RTKN: variants seen among roughly 807,000 people sequenced by gnomAD.
RTKN encodes rhotekin.
RTKN carries 49 observed loss-of-function variants against 63.5 expected under a neutral mutation model. The observed-to-expected ratio is 0.77, with a 90% CI of 0.61 to 0.98. The LOEUF (loss-of-function observed/expected upper bound fraction) is 0.98. Ranked by LOEUF, RTKN falls within the 50% of genes least tolerant of loss-of-function variation. RTKN has a pLI of 0.00. For synonymous variants in RTKN, 295 were observed against 290.4 expected (o/e 1.02, Z -0.16); for missense variants, 685 against 740.8 (o/e 0.92, Z 0.87).
rs546563080 is a variant in RTKN at position 74,441,650 on chromosome 2, G to A, written c.111+56C>T. ...CGGGCGAGGGAAGGAGGCCGAGGTG[G>A]CTGGGGCTGCCCCCGGGAGCCGCGG... On this transcript the variant is annotated intron_variant, in intron 1 of 11. Coordinates refer to ENST00000272430, the MANE Select transcript of RTKN (RefSeq NM_001015055.2). 1,550 of 1,316,008 alleles carry A rather than the reference G, an allele frequency of 1.2e-3. 2 individuals are homozygous for A. The highest frequency in any genetic ancestry group is 5.8e-3 in the Middle Eastern group (25 of 4,328). The allele number at this position is 1,316,008 out of a possible 1,614,324, so 81.5% of individuals were successfully genotyped here.
rs142439981 is a variant in RTKN, at chr2:74,441,796, C to T, written c.21G>A (p.Arg7=). Residue 7 remains arginine, a synonymous_variant, in exon 1 of 12, where the codon CGG becomes CGA. Coordinates refer to ENST00000272430, the MANE Select transcript of RTKN (RefSeq NM_001015055.2). Reference sequence around the variant, plus strand: ...AGCCCCTGGCCACGGTGACCCGGCTCCGGTGGTTTCGGGAGAACATGCTGG... The same window carrying T: ...AGCCCCTGGCCACGGTGACCCGGCTTCGGTGGTTTCGGGAGAACATGCTGG... MFSRNH[R]SRVTVARGSA... is the part of the protein sequence containing the mutation. 2.6e-4 allele frequency: 413 copies of T among 1,610,924 alleles called. 1 individual carries two copies. The highest frequency in any genetic ancestry group is 3.3e-4 in the Non-Finnish European group (391 of 1,179,354).
At position 74,440,047 on chromosome 2, in the gene RTKN, GGTGGACAGGGAATCTGT is replaced by G. The variant is rs912570043; in HGVS notation, c.111+1642_111+1658del. The G allele has an allele frequency of 4.1e-6, 4 of 970,590 alleles. No individual in the cohort carries two copies. The African/African-American group carries it at 6.8e-5, about 16-fold the overall frequency. The allele number at this position is 970,590 out of a possible 1,614,324, so 60.1% of individuals were successfully genotyped here. On this transcript the variant is annotated intron_variant, in intron 1 of 11. Coordinates refer to ENST00000272430, the MANE Select transcript of RTKN (RefSeq NM_001015055.2). ...CAGCCCCCGCCCACATCCCTGGCCT[GGTGGACAGGGAATCTGT>G]GTGCGGAGAGGGCAGTGAGGGGCAG...
rs374249940 is a variant in RTKN at position 74,432,357 on chromosome 2, A to C, written c.311+110T>G. The C allele has an allele frequency of 1.2e-5, 13 of 1,059,692 alleles. No homozygotes were observed. In the African/African-American group the frequency reaches 1.9e-4, roughly 15 times the overall value. The allele number at this position is 1,059,692 out of a possible 1,614,324, so 65.6% of individuals were successfully genotyped here. On this transcript the variant is annotated intron_variant, in intron 2 of 11. Coordinates refer to ENST00000272430, the MANE Select transcript of RTKN (RefSeq NM_001015055.2). ...TCTCCCAGGTCCCTGATAAGACTTC[A>C]TGGGGAAGTCATCTTTAAGGTGGTC...
chr2:74,428,507 C>T, intron 8 of RTKN, 111 bp from the exon 9 acceptor site: 1 of 1,579,726 alleles, frequency 6.3e-7, no homozygotes, highest in Non-Finnish European at 8.7e-7. Context: ...CATTCCTCCC[C>T]TCGTCTGGCC....
chr2:74,439,997 T>C, intron 1 of RTKN: 1 of 1,072,874 alleles, frequency 9.3e-7, no homozygotes, highest in Non-Finnish European at 1.1e-6. Context: ...AAAAAGGCCC[T>C]TTCATTCCGA....
At chr2:74,428,174 A>C in intron 9 of RTKN, 94 bp downstream of exon 9, 2 of 1,550,528 alleles carry the variant, frequency 1.3e-6, no homozygotes, top group South Asian at 1.1e-5. Context: ...GCCTGCTTCT[A>C]TCTCTCTGAG....
rs970286290 is a variant in RTKN, at chr2:74,426,338, G to A, written c.1597C>T (p.Arg533Cys). The A allele has an allele frequency of 1.2e-5, 20 of 1,613,268 alleles. No homozygotes were observed. The highest frequency in any genetic ancestry group is 3.3e-4 in the Middle Eastern group (2 of 6,054). Residue 533 changes from arginine to cysteine, a missense_variant, in exon 12 of 12, where the codon CGC becomes TGC. Arg to Cys is a radical substitution (Grantham distance 180). Coordinates refer to ENST00000272430, the MANE Select transcript of RTKN (RefSeq NM_001015055.2). ...TGAGGTGGGAGGGGGGCAACCGAGC[G>A]AGCCCTAGGGGAGTGGTCTGGGGGG... ...AVPPDHSPRA[R>C]SVAPLPPQRS...
intron 1 of RTKN, chr2:74,440,577 C>G (rs1438071401): frequency 2.0e-6 from 2 of 985,636 alleles, no homozygotes; most frequent in Non-Finnish European, 1.2e-6. Context: ...CTCCTCCGAG[C>G]TGTCCCCGAA....
chr2:74,433,192 G>A (rs1411344203), intron 1 of RTKN, among the ~76,000 whole-genome samples: 10 of 150,240 alleles, frequency 6.7e-5, no homozygotes, highest in African/African-American at 9.8e-5. Context: ...GCAGTGAGCC[G>A]AGACTGCACC....
chr2:74,430,135 A>G, intron 5 of RTKN, 98 bp from the exon 6 acceptor site: 1 of 1,511,742 alleles, frequency 6.6e-7, no homozygotes, highest in Non-Finnish European at 9.1e-7. Flanking sequence ...TCCACAGAGA[A>G]GGCCAGGTGC....
chr2:74,428,152 C>T (rs1262488473), intron 9 of RTKN, 116 bp downstream of exon 9: 9 of 1,354,992 alleles, frequency 6.6e-6, no homozygotes, highest in Non-Finnish European at 9.3e-6. Context: ...GTGGCACTGT[C>T]AGGAGCAGGA....
intron 1 of RTKN, among the ~76,000 whole-genome samples, chr2:74,441,469 G>A (rs143236017): frequency 4.9e-4 from 74 of 152,326 alleles, no homozygotes; most frequent in African/African-American, 1.8e-3. Flanking sequence ...GACCAACCCG[G>A]GCTTTTTCCA....
At position 74,436,190 on chromosome 2, in the gene RTKN, G is replaced by T. The variant is rs1223639643; in HGVS notation, c.112-3524C>A. On this transcript the variant is annotated intron_variant, in intron 1 of 11. Coordinates refer to ENST00000272430, the MANE Select transcript of RTKN (RefSeq NM_001015055.2). This position sits in a 1 kb window ranked among gnomAD's most constrained non-coding sequence, Gnocchi z 4.3. ...GTCTCATCCCAGTCCCAGCACTCAC[G>T]GATCCTTCCCCAGCCCGCTCCATTG... Among the ~76,000 whole-genome samples, 2 of 152,248 alleles carry T rather than the reference G, an allele frequency of 1.3e-5. No homozygotes were observed. The highest frequency in any genetic ancestry group is 2.9e-5 in the Non-Finnish European group (2 of 68,042).
At chr2:74,440,020 C>A in intron 1 of RTKN, 1 of 1,055,890 alleles carries the variant, frequency 9.5e-7, no homozygotes, top group Non-Finnish European at 1.2e-6. Flanking sequence ...CTGGCCGCTC[C>A]CCAGCCCCCG....
At chr2:74,430,737 T>TC in intron 2 of RTKN, 60 bp from the exon 3 acceptor site, 1 of 1,486,400 alleles carries the variant, frequency 6.7e-7, no homozygotes, top group Non-Finnish European at 9.2e-7. Context: ...CTTGCTCTGG[T>TC]CCCAACGACT....
chr2:74,426,893 C>A, intron 11 of RTKN: 1 of 1,356,152 alleles, frequency 7.4e-7, no homozygotes, highest in East Asian at 2.8e-5. Flanking sequence ...AGACAGGAAT[C>A]CACATGCAGA....
At chr2:74,428,510 G>A (rs1049194174) in intron 8 of RTKN, 114 bp from the exon 9 acceptor site, 56 of 1,574,170 alleles carry the variant, frequency 3.6e-5, no homozygotes, top group Admixed American at 5.1e-5. Context: ...TCCTCCCCTC[G>A]TCTGGCCATA....
chr2:74,432,941 A>G (rs1039137774), intron 1 of RTKN, among the ~76,000 whole-genome samples: 2 of 151,932 alleles, frequency 1.3e-5, no homozygotes, highest in African/African-American at 4.8e-5. Flanking sequence ...GTGAGACCCC[A>G]CCTCTAAAAA....
At chr2:74,433,701 A>T (rs1045932039) in intron 1 of RTKN, among the ~76,000 whole-genome samples, 3 of 151,938 alleles carry the variant, frequency 2.0e-5, no homozygotes, top group Non-Finnish European at 4.4e-5. Context: ...CACAGTGTTA[A>T]CCGGGATGGT....
Sources: gnomAD v4.1 joint callset for allele counts (sites outside exome capture counted in the v4.1 genomes callset) on GRCh38, gnomAD v4.1.1 for gene constraint, Gnocchi (gnomAD v3.1) non-coding constraint, MANE v1.5 for transcripts, NCBI Gene and HGNC (gene_info 2026-07-23, HGNC 2026-07-21) for gene names.